Variants in EXOC6B observed in about 807,000 individuals in gnomAD.
EXOC6B encodes the protein SEC15 homolog B.
A neutral mutation model predicts 113.5 loss-of-function variants in EXOC6B; 54 were observed. The ratio of observed to expected loss-of-function variants is 0.48; its 90% CI spans 0.38 to 0.60. The LOEUF is 0.60. EXOC6B is among the 20% of genes least tolerant of loss of function. The pLI, the probability that EXOC6B is intolerant of heterozygous loss-of-function variation, is 0.00. For missense variants in EXOC6B, 797 were observed against 977.5 expected, an observed-to-expected ratio of 0.82 and a Z score of 2.46; for synonymous variants, 357 against 339.0, an observed-to-expected ratio of 1.05 and a Z score of -0.58.
intron 20 of EXOC6B, among the ~76,000 whole-genome samples, chr2:72,220,667 C>T (rs954339598): frequency 6.6e-6 from 1 of 151,996 alleles, no homozygotes; most frequent in African/African-American, 2.4e-5. Flanking sequence ...GTGACAACAT[C>T]ATATCAAAGA....
intron 6 of EXOC6B, among the ~76,000 whole-genome samples, chr2:72,680,854 C>T (rs1029113082): frequency 6.6e-6 from 1 of 152,038 alleles, no homozygotes; most frequent in Non-Finnish European, 1.5e-5. Flanking sequence ...TGTCTTAGAT[C>T]AAGTCAATTC....
chr2:72,805,487 T>C (rs1399001919), intron 1 of EXOC6B, among the ~76,000 whole-genome samples: 1 of 152,190 alleles, frequency 6.6e-6, no homozygotes, highest in East Asian at 1.9e-4. Flanking sequence ...TTACTATTTA[T>C]TTTTAGTATT....
chr2:72,271,221 G>A (rs1684461699), intron 20 of EXOC6B, among the ~76,000 whole-genome samples: 1 of 152,128 alleles, frequency 6.6e-6, no homozygotes, highest in South Asian at 2.1e-4. Flanking sequence ...GTTGGGATTT[G>A]TTCTTTTTGT....
intron 19 of EXOC6B, among the ~76,000 whole-genome samples, chr2:72,358,541 T>C (rs1446837821): frequency 1.3e-5 from 2 of 152,216 alleles, no homozygotes; most frequent in Non-Finnish European, 2.9e-5. Flanking sequence ...GTCTATGAGA[T>C]AGGTACAAAT....
intron 6 of EXOC6B, among the ~76,000 whole-genome samples, chr2:72,716,250 T>G (rs1331267935): frequency 2.0e-5 from 3 of 152,174 alleles, no homozygotes; most frequent in Admixed American, 6.5e-5. Flanking sequence ...ATGGAAGGAT[T>G]CTAAGTACTT....
At chr2:72,259,402 A>G (rs947004854) in intron 20 of EXOC6B, among the ~76,000 whole-genome samples, 4 of 152,202 alleles carry the variant, frequency 2.6e-5, no homozygotes, top group African/African-American at 9.7e-5. Flanking sequence ...AATTGTATGT[A>G]TATACTACAA....
intron 20 of EXOC6B, among the ~76,000 whole-genome samples, chr2:72,257,255 T>TAA (rs983220849): frequency 5.3e-5 from 8 of 151,252 alleles, no homozygotes; most frequent in Non-Finnish European, 5.9e-5. Flanking sequence ...TCACGGAGCT[T>TAA]AAAAAAAAAC....
chr2:72,606,175 T>A (rs1020915862), intron 6 of EXOC6B, among the ~76,000 whole-genome samples: 2 of 152,182 alleles, frequency 1.3e-5, no homozygotes, highest in Non-Finnish European at 2.9e-5. Flanking sequence ...CTAATCTACA[T>A]AAATTTCAAA....
intron 20 of EXOC6B, among the ~76,000 whole-genome samples, chr2:72,255,281 G>A (rs1034121633): frequency 1.9e-4 from 29 of 152,188 alleles, no homozygotes; most frequent in African/African-American, 6.5e-4. Context: ...AGAATAAAGG[G>A]AATGGAGACA....
intron 6 of EXOC6B, among the ~76,000 whole-genome samples, chr2:72,678,979 T>C (rs957187892): frequency 1.5e-4 from 23 of 152,196 alleles, no homozygotes; most frequent in African/African-American, 5.6e-4. Context: ...CTCTTAAAAT[T>C]ATTCCACATT....
chr2:72,647,857 G>T (rs866397335), intron 6 of EXOC6B, among the ~76,000 whole-genome samples: 9 of 152,124 alleles, frequency 5.9e-5, no homozygotes, highest in African/African-American at 2.2e-4. Context: ...TACCATTCAG[G>T]ACGTAGGCAT....
At position 72,176,458 on chromosome 2, in the gene EXOC6B, T is replaced by G. The variant is rs749597634; in HGVS notation, c.*2877A>C. On this transcript the variant is annotated 3_prime_UTR_variant, in exon 22 of 22. Transcript: ENST00000272427. ...AAAAGGCCGTGGGTCTGGGACTTGC[T>G]GAGTAAGCACTTGTCAAGTGTACAG... The G allele has an allele frequency of 6.6e-6, 1 of 152,254 alleles. No homozygotes were observed. The highest frequency in any genetic ancestry group is 1.5e-5 in the Non-Finnish European group (1 of 68,108). The allele number at this position is 152,254 out of a possible 1,614,324, so 9.4% of individuals were successfully genotyped here.
chr2:72,542,488 C>G (rs968509438), intron 8 of EXOC6B, among the ~76,000 whole-genome samples: 2 of 152,184 alleles, frequency 1.3e-5, no homozygotes, highest in Admixed American at 6.5e-5. Context: ...AGTAAAGAAT[C>G]TATTACAGTT....
rs954532359 is a variant in EXOC6B at position 72,468,000 on chromosome 2, A to T, written c.1801-2661T>A. On this transcript the variant is annotated intron_variant, in intron 17 of 21. Coordinates refer to ENST00000272427, the MANE Select transcript of EXOC6B (RefSeq NM_015189.3). ...TGGCCAGGCTGGTCTCGAACTCTTG[A>T]CCTCAAGTGATTCGCCTGCCTCAGC... 1.3e-5 allele frequency among the ~76,000 whole-genome samples: 2 copies of T among 151,900 alleles called. 1 individual carries two copies. The highest frequency in any genetic ancestry group is 4.2e-4 in the South Asian group (2 of 4,814).
At chr2:72,712,397 A>C (rs369848091) in intron 6 of EXOC6B, among the ~76,000 whole-genome samples, 14 of 152,286 alleles carry the variant, frequency 9.2e-5, no homozygotes, top group African/African-American at 2.6e-4. Flanking sequence ...CTTTGTTCAG[A>C]GTCTCACCAG....
intron 19 of EXOC6B, among the ~76,000 whole-genome samples, chr2:72,350,602 A>G (rs1215308580): frequency 6.6e-6 from 1 of 152,210 alleles, no homozygotes; most frequent in Admixed American, 6.5e-5. Context: ...TTTAAAAAAT[A>G]AAAAGGAGAA....
At chr2:72,578,001 A>G (rs1350049385) in intron 6 of EXOC6B, among the ~76,000 whole-genome samples, 1 of 152,096 alleles carries the variant, frequency 6.6e-6, no homozygotes, top group Non-Finnish European at 1.5e-5. Context: ...AGAGTACTTC[A>G]TATATATTCT....
At chr2:72,519,619 C>T (rs1193538922) in intron 8 of EXOC6B, among the ~76,000 whole-genome samples, 3 of 152,148 alleles carry the variant, frequency 2.0e-5, no homozygotes, top group African/African-American at 4.8e-5. Context: ...GAAACTAAAC[C>T]TGTATTTCTC....
At chr2:72,692,052 T>G (rs1192441358) in intron 6 of EXOC6B, among the ~76,000 whole-genome samples, 18 of 152,148 alleles carry the variant, frequency 1.2e-4, no homozygotes, top group Admixed American at 1.2e-3. Flanking sequence ...AACTTGTTTT[T>G]AACATATACA....
Sources: gnomAD v4.1 joint callset for allele counts (sites outside exome capture counted in the v4.1 genomes callset) on GRCh38, gnomAD v4.1.1 for gene constraint, MANE v1.5 for transcripts, NCBI Gene and HGNC (gene_info 2026-07-23, HGNC 2026-07-21) for gene names.